Variants in PFAS observed in about 807,000 individuals in gnomAD.
The protein encoded by PFAS is phosphoribosylformylglycinamidine synthase.
Under a neutral mutation model 140.6 loss-of-function variants are expected in PFAS, and 97 were observed. That is an observed-to-expected ratio of 0.69 (90% confidence interval 0.59 to 0.82). PFAS has a LOEUF of 0.82. Ranked by LOEUF, PFAS falls within the 40% of genes least tolerant of loss-of-function variation. The probability of loss-of-function intolerance (pLI) is 0.00; values close to 1 mark genes in which losing one functional copy is unlikely to be tolerated. For synonymous variants in PFAS, 679 were observed against 718.8 expected, an observed-to-expected ratio of 0.94 and a Z score of 0.88; for missense variants, 1,656 against 1,780.2, an observed-to-expected ratio of 0.93 and a Z score of 1.26.
At position 8,258,072 on chromosome 17, in the gene PFAS, C is replaced by T; in HGVS notation, c.1209C>T (p.Gly403=). 6.2e-7 allele frequency: 1 copy of T among 1,614,152 alleles called. No individual in the cohort carries two copies. Among genetic ancestry groups the T allele is most frequent in the Admixed American group, 1.7e-5 (1 of 60,026 alleles). ...GNKFGEPVLA[G]FARSLGLQLP... is the part of the protein sequence containing the mutation. ...GTCCCTCTGATGTTCACACTCCAGG[C>T]TTCGCCCGCTCCTTGGGCCTCCAGC... Residue 403 remains glycine, a splice_region_variant and synonymous_variant, in exon 11 of 28, where the codon GGC becomes GGT. Coordinates refer to ENST00000314666, the MANE Select transcript of PFAS (RefSeq NM_012393.3).
chr17:8,264,711 G>T, intron 17 of PFAS, 110 bp downstream of exon 17: 1 of 1,242,382 alleles, frequency 8.0e-7, no homozygotes. Flanking sequence ...CCTGCAGGAA[G>T]CAGCAGGGGC....
chr17:8,264,020 G>A (rs777871850), intron 15 of PFAS, 84 bp downstream of exon 15: 1 of 1,524,710 alleles, frequency 6.6e-7, no homozygotes, highest in Non-Finnish European at 9.0e-7. Flanking sequence ...GCTGTCAAGG[G>A]AGAGAGACGA....
chr17:8,251,581 G>T (rs936367962), intron 1 of PFAS, among the ~76,000 whole-genome samples: 1 of 151,998 alleles, frequency 6.6e-6, no homozygotes, highest in African/African-American at 2.4e-5. Flanking sequence ...GATTATAGGC[G>T]TGAGCCACTG....
At chr17:8,262,866 A>C (rs369395511) in intron 11 of PFAS, 54 bp from the exon 12 acceptor site, 1 of 1,389,040 alleles carries the variant, frequency 7.2e-7, no homozygotes, top group Non-Finnish European at 1.0e-6. Flanking sequence ...CTTGCTTTCG[A>C]GGCCTCTTCT....
chr17:8,253,165 A>C (rs1989225242), intron 1 of PFAS, among the ~76,000 whole-genome samples: 1 of 152,202 alleles, frequency 6.6e-6, no homozygotes, highest in South Asian at 2.1e-4. Context: ...TGGTGTCCAC[A>C]GTCCCCTGAC....
chr17:8,256,207 TG>T, intron 6 of PFAS, 59 bp from the exon 7 acceptor site: 1 of 1,554,846 alleles, frequency 6.4e-7, no homozygotes, highest in Non-Finnish European at 8.8e-7. Context: ...TGAGAAGACA[TG>T]GCATTAAGAA....
At chr17:8,264,657 T>C in intron 17 of PFAS, 56 bp downstream of exon 17, 1 of 1,524,328 alleles carries the variant, frequency 6.6e-7, no homozygotes, top group Non-Finnish European at 8.9e-7. Flanking sequence ...CAGCCTCTTC[T>C]GCCCTCCCAC....
chr17:8,265,566 C>G lies in PFAS; in HGVS notation c.2472C>G (p.Val824=). ...CTCCTTGCTCTACAGGGTCACTGGT[C>G]ATCTCAGCCTATGCCGTCTGCCCAG... ...TETVRAPGSL[V]ISAYAVCPDI... The change falls in exon 20 of 28, where the codon GTC becomes GTG. Residue 824 remains valine, a synonymous_variant. Transcript: ENST00000314666. 6.2e-7 allele frequency: 1 copy of G among 1,614,086 alleles called. No individual in the cohort carries two copies. The highest frequency in any genetic ancestry group is 8.5e-7 in the Non-Finnish European group (1 of 1,179,950).
chr17:8,267,975 ATAT>A lies in PFAS; in HGVS notation c.3382+315_3382+317del, dbSNP rs1276601127. On this transcript the variant is annotated intron_variant, in intron 26 of 27. Coordinates refer to ENST00000314666, the MANE Select transcript of PFAS (RefSeq NM_012393.3). This position sits in a 1 kb window ranked among gnomAD's most constrained non-coding sequence, Gnocchi z 4.9. ...TTATTAAAATATATATTATTTATAT[ATAT>A]TATTTATATATTATTAAAATATATT... is the stretch of plus-strand genomic sequence containing the variant. 2.1e-5 allele frequency among the ~76,000 whole-genome samples: 3 copies of A among 144,378 alleles called. No homozygotes were observed. Among genetic ancestry groups the A allele is most frequent in the African/African-American group, 5.0e-5 (2 of 39,628 alleles). 94.7% of individuals were successfully genotyped at this position (144,378 alleles called of 152,430 possible).
intron 26 of PFAS, 27 bp from the exon 27 acceptor site, chr17:8,268,506 C>T (rs1989918655): frequency 6.3e-7 from 1 of 1,577,718 alleles, no homozygotes; most frequent in Non-Finnish European, 8.7e-7. Context: ...CTCCATGTCT[C>T]ACCCTGACTT....
intron 3 of PFAS, among the ~76,000 whole-genome samples, chr17:8,254,665 G>C (rs1413596889): frequency 6.6e-6 from 1 of 152,016 alleles, no homozygotes; most frequent in African/African-American, 2.4e-5. Flanking sequence ...TTAGCCGGGT[G>C]TGGTGGCGGG....
Position 8,265,004 on chromosome 17 carries a change from G to T in PFAS, c.2159G>T (p.Gly720Val), listed in dbSNP as rs1989753181. ...GCACTGAGCCATGAGGAGCTCATAG[G>T]GGCTGCCACAGCCTTGGGAGAACAG... is the stretch of plus-strand genomic sequence containing the variant. Reference protein sequence around the residue: ...VVALSHEELIGAATALGEQPV... With the variant: ...VVALSHEELIVAATALGEQPV... Residue 720 changes from glycine to valine, a missense_variant, in exon 18 of 28, where the codon GGG becomes GTG. This residue lies in a region of PFAS where 883 missense variants were observed against 1,023.0 expected (regional missense o/e 0.86). Coordinates refer to ENST00000314666, the MANE Select transcript of PFAS (RefSeq NM_012393.3). 1 of 1,613,470 alleles carries T rather than the reference G, an allele frequency of 6.2e-7. No homozygotes were observed.
rs1989938419 is a variant in PFAS, at chr17:8,269,049, G to A, written c.3802G>A (p.Glu1268Lys). Residue 1268 changes from glutamate to lysine, a missense_variant, in exon 28 of 28, where the codon GAG becomes AAG. Glu to Lys is a moderately conservative substitution (Grantham distance 56). Around this residue, in one of 2 missense-constraint regions of PFAS, gnomAD observed 883 missense variants for 1,023.0 expected, o/e 0.86. Coordinates refer to ENST00000314666, the MANE Select transcript of PFAS (RefSeq NM_012393.3). ...HWADDDGNPT[E>K]QYPLNPNGSP... The stretch of plus-strand genomic sequence containing the variant: ...GGCTGATGATGACGGGAACCCCACA[G>A]AGCAGTACCCTCTGAATCCCAATGG... 1.2e-6 allele frequency: 2 copies of A among 1,614,098 alleles called. No homozygotes were observed. Among genetic ancestry groups the A allele is most frequent in the South Asian group, 2.2e-5 (2 of 91,090 alleles).
At chr17:8,264,062 G>A in intron 15 of PFAS, 126 bp downstream of exon 15, 1 of 1,457,856 alleles carries the variant, frequency 6.9e-7, no homozygotes, top group Non-Finnish European at 9.6e-7. Context: ...CAAACAAGCT[G>A]TGGGGAATGT....
rs1395114986 is a variant in PFAS at position 8,265,627 on chromosome 17, CCTGAAGGGAGAGGTATGG to C, written c.2534_2545+6del. The stretch of plus-strand genomic sequence containing the variant: ...CACTGTGACCCCAGACCTCAAGCAT[CCTGAAGGGAGAGGTATGG>C]ACATGGCCCCATCCTTTGTGATCTT... On this transcript the variant is annotated splice_donor_variant and splice_donor_5th_base_variant and coding_sequence_variant and intron_variant, in exon 20 of 28. Coordinates refer to ENST00000314666, the MANE Select transcript of PFAS (RefSeq NM_012393.3). LOFTEE classifies it high-confidence loss of function. 3 of 1,613,406 alleles carry C rather than the reference CCTGAAGGGAGAGGTATGG, an allele frequency of 1.9e-6. No homozygotes were observed. The highest frequency in any genetic ancestry group is 1.7e-5 in the Admixed American group (1 of 60,012).
rs370138200 is a variant in PFAS at position 8,267,367 on chromosome 17, C to A, written c.3176-5C>A. ...CTGGCCCAAAGACACTTATTCTCCC[C>A]CAAGGTGGTCCCAGCCCCCGAGTCG... On this transcript the variant is annotated splice_polypyrimidine_tract_variant and splice_region_variant and intron_variant, in intron 24 of 27. Transcript: ENST00000314666. The surrounding 1 kb of genome is among the most constrained non-coding windows in gnomAD (Gnocchi z 4.9). 1.2e-6 allele frequency: 2 copies of A among 1,613,384 alleles called. No individual in the cohort carries two copies. Among genetic ancestry groups the A allele is most frequent in the African/African-American group, 1.3e-5 (1 of 74,918 alleles).
chr17:8,250,593 G>C (rs753141060), intron 1 of PFAS, among the ~76,000 whole-genome samples: 2 of 152,152 alleles, frequency 1.3e-5, no homozygotes, highest in Non-Finnish European at 2.9e-5. Flanking sequence ...GTAAAGCCAG[G>C]GTCCCGCTGA....
rs147998911 is a variant in PFAS, at chr17:8,264,514, C to T, written c.1962C>T (p.Ala654=). The T allele has an allele frequency of 5.1e-5, 83 of 1,613,564 alleles. No individual in the cohort carries two copies. Among genetic ancestry groups the T allele is most frequent in the Non-Finnish European group, 6.4e-5 (76 of 1,179,832 alleles). The change falls in exon 17 of 28, where the codon GCC becomes GCT. Residue 654 remains alanine, a synonymous_variant. Coordinates refer to ENST00000314666, the MANE Select transcript of PFAS (RefSeq NM_012393.3). ...QRKPPMLQPL[A]LPPGLSVHQA... ...AGCCCCCCATGCTGCAGCCTCTGGC[C>T]TTGCCCCCAGGGCTGAGCGTGCACC...
intron 11 of PFAS, chr17:8,262,494 CAAGTG>C (rs1459818789): frequency 5.7e-6 from 1 of 174,854 alleles, no homozygotes; most frequent in Non-Finnish European, 1.2e-5. Context: ...TCAACCCAGT[CAAGTG>C]GTAAGGCTTC....
Sources: gnomAD v4.1 joint callset for allele counts (sites outside exome capture counted in the v4.1 genomes callset) on GRCh38, gnomAD v4.1.1 for gene constraint, gnomAD v4.1.1 regional missense constraint, Gnocchi (gnomAD v3.1) non-coding constraint, MANE v1.5 for transcripts, NCBI Gene and HGNC (gene_info 2026-07-23, HGNC 2026-07-21) for gene names.